The following RANBP2 variants were observed in gnomAD, a reference collection of about 807,000 sequenced individuals.
RANBP2 encodes the protein RAN binding protein 2.
In RANBP2, 57 loss-of-function variants were observed where a neutral mutation model predicts 303.6. That is an observed-to-expected ratio of 0.19 (90% CI 0.15 to 0.23). The LOEUF is 0.23. Among genes scored for constraint, RANBP2 ranks in the 10% least tolerant of loss-of-function variants. The pLI is 1.00. For missense variants in RANBP2, 3,138 were observed against 3,780.8 expected (o/e 0.83, Z 4.46); for synonymous variants, 1,167 against 1,301.5 (o/e 0.90, Z 2.23).
At chr2:108,923,302 C>T in the RANBP2 span, 4 of 1,490,888 alleles carry the variant, frequency 2.7e-6, no homozygotes, top group Non-Finnish European at 3.7e-6. Context: ...CTTTCCTACA[C>T]CCTCTGTAGT....
the RANBP2 span, among the ~76,000 whole-genome samples, chr2:108,944,944 C>T: frequency 2.0e-5 from 3 of 152,246 alleles, no homozygotes; most frequent in South Asian, 2.1e-4. Flanking sequence ...CTAGGGTGTC[C>T]CTGCTTGGAT....
At chr2:109,732,716 C>A in the RANBP2 span, 1 of 619,300 alleles carries the variant, frequency 1.6e-6, no homozygotes. Flanking sequence ...GATCCGCCCG[C>A]CTTGGTTTAT....
the RANBP2 span, among the ~76,000 whole-genome samples, chr2:109,597,389 A>G: frequency 2.6e-5 from 4 of 152,234 alleles, no homozygotes; most frequent in Admixed American, 2.6e-4. Flanking sequence ...GGCCTGCTCT[A>G]TTGTTGACCA....
At chr2:109,681,751 C>T in the RANBP2 span, among the ~76,000 whole-genome samples, 1 of 152,234 alleles carries the variant, frequency 6.6e-6, no homozygotes, top group Non-Finnish European at 1.5e-5. Flanking sequence ...CTGGCCCCAA[C>T]ATGTCCCCAC....
At chr2:109,641,044 G>A in the RANBP2 span, among the ~76,000 whole-genome samples, 61 of 152,256 alleles carry the variant, frequency 4.0e-4, 1 homozygote, top group Admixed American at 3.7e-3. Context: ...TACAAATAAT[G>A]GCCTCCAAAT....
At chr2:109,528,762 G>A in the RANBP2 span, among the ~76,000 whole-genome samples, 17 of 152,172 alleles carry the variant, frequency 1.1e-4, no homozygotes, top group Admixed American at 1.0e-3. Context: ...CACATCACAC[G>A]ACAAAGGGGG....
chr2:108,891,790 T>C, the RANBP2 span, among the ~76,000 whole-genome samples: 1 of 152,042 alleles, frequency 6.6e-6, no homozygotes, highest in African/African-American at 2.4e-5. Context: ...GTGGTGTGCA[T>C]TGATGTTGGT....
At chr2:109,413,840 C>T in the RANBP2 span, among the ~76,000 whole-genome samples, 20 of 152,196 alleles carry the variant, frequency 1.3e-4, no homozygotes, top group Non-Finnish European at 2.8e-4. Flanking sequence ...TGAGGGCTTT[C>T]CCTGCAGGGA....
At chr2:108,992,481 G>C in the RANBP2 span, among the ~76,000 whole-genome samples, 2 of 152,294 alleles carry the variant, frequency 1.3e-5, no homozygotes, top group Admixed American at 6.5e-5. Context: ...ACTAATTACT[G>C]TCTCAAAAAG....
the RANBP2 span, among the ~76,000 whole-genome samples, chr2:109,718,036 C>G: frequency 6.6e-6 from 1 of 152,052 alleles, no homozygotes; most frequent in Non-Finnish European, 1.5e-5. Flanking sequence ...GCAAAACTGA[C>G]AGAAATTTAA....
chr2:108,874,907 T>C, the RANBP2 span, among the ~76,000 whole-genome samples: 1 of 132,668 alleles, frequency 7.5e-6, no homozygotes, highest in Admixed American at 8.9e-5. Context: ...TCTTTTTTAC[T>C]TCTTAATTCA....
chr2:108,881,845 T>A, the RANBP2 span, among the ~76,000 whole-genome samples: 4 of 152,128 alleles, frequency 2.6e-5, no homozygotes, highest in African/African-American at 9.7e-5. Flanking sequence ...ATTACAATAG[T>A]AACATCAGAG....
chr2:109,608,771 TA>T, the RANBP2 span, among the ~76,000 whole-genome samples: 323 of 151,722 alleles, frequency 2.1e-3, no homozygotes, highest in African/African-American at 6.8e-3. Context: ...ATACAAATCC[TA>T]AAAAAAAATT....
At chr2:109,485,032 A>G in the RANBP2 span, among the ~76,000 whole-genome samples, 4 of 152,336 alleles carry the variant, frequency 2.6e-5, no homozygotes, top group Admixed American at 1.3e-4. Flanking sequence ...TACGTAACCC[A>G]TCAGCGTGTG....
At chr2:109,093,406 TAAAAAAAAAAAAAAAAAAAGAA>T in the RANBP2 span, among the ~76,000 whole-genome samples, 4 of 90,724 alleles carry the variant, frequency 4.4e-5, no homozygotes, top group Non-Finnish European at 6.5e-5. Context: ...CGGAGATTTG[TAAAAAAAAAAAAAAAAAAAGAA>T]AGAAAAAAAA....
the RANBP2 span, chr2:109,501,951 G>A: frequency 7.7e-6 from 3 of 388,052 alleles, no homozygotes; most frequent in Admixed American, 7.4e-5. Context: ...GGCAGGTGCC[G>A]GCGCAGGCAG....
chr2:109,569,187 G>C, the RANBP2 span, among the ~76,000 whole-genome samples: 1 of 152,110 alleles, frequency 6.6e-6, no homozygotes, highest in African/African-American at 2.4e-5. Context: ...CCAGCACTTT[G>C]AAAGGCTGAG....
At chr2:109,506,079 T>C in the RANBP2 span, among the ~76,000 whole-genome samples, 1 of 152,190 alleles carries the variant, frequency 6.6e-6, no homozygotes, top group African/African-American at 2.4e-5. Context: ...CCTTTACTGA[T>C]TTAGCAACCA....
At chr2:109,750,784 C>G in the RANBP2 span, among the ~76,000 whole-genome samples, 1 of 67,304 alleles carries the variant, frequency 1.5e-5, no homozygotes, top group Non-Finnish European at 2.9e-5. Context: ...AGTGCACTGG[C>G]GTGATCTCGT....
Sources: gnomAD v4.1 joint callset for allele counts (sites outside exome capture counted in the v4.1 genomes callset) on GRCh38, gnomAD v4.1.1 for gene constraint, MANE v1.5 for transcripts, NCBI Gene and HGNC (gene_info 2026-07-23, HGNC 2026-07-21) for gene names.